SPRED2: variants seen among roughly 807,000 people sequenced by gnomAD.
The protein encoded by SPRED2 is sprouty-related, EVH1 domain-containing protein 2.
Under a neutral mutation model 43.0 loss-of-function variants are expected in SPRED2, and 47 were observed. That is an observed-to-expected ratio of 1.09 (90% CI 0.87 to 1.40). The LOEUF (loss-of-function observed/expected upper bound fraction) is 1.40, where lower values mean the gene tolerates loss of function less well. SPRED2 is among the 40% of genes most tolerant of loss of function. SPRED2 has a pLI of 0.00. For missense variants in SPRED2, 561 were observed against 586.4 expected, an observed-to-expected ratio of 0.96 and a Z score of 0.45; for synonymous variants, 225 against 225.7, an observed-to-expected ratio of 1.00 and a Z score of 0.03.
intron 1 of SPRED2, among the ~76,000 whole-genome samples, chr2:65,385,420 C>G (rs1675472230): frequency 6.6e-6 from 1 of 152,206 alleles, no homozygotes; most frequent in Non-Finnish European, 1.5e-5. Context: ...TGAACAGGAA[C>G]TTCCATTAAC....
At chr2:65,396,034 T>A (rs1342917443) in intron 1 of SPRED2, among the ~76,000 whole-genome samples, 2 of 152,224 alleles carry the variant, frequency 1.3e-5, no homozygotes, top group Non-Finnish European at 2.9e-5. Flanking sequence ...ATCTCCACTC[T>A]AACCACTTAT....
At chr2:65,371,189 T>TA (rs1365698257) in intron 1 of SPRED2, among the ~76,000 whole-genome samples, 1 of 131,146 alleles carries the variant, frequency 7.6e-6, no homozygotes, top group Non-Finnish European at 1.7e-5. Context: ...TCATACTGAA[T>TA]ATTTTTTTTG....
chr2:65,361,626 T>C (rs555642228), intron 1 of SPRED2, among the ~76,000 whole-genome samples: 1 of 152,324 alleles, frequency 6.6e-6, no homozygotes, highest in Admixed American at 6.5e-5. Flanking sequence ...ACACACATAA[T>C]CACAAGAATT....
chr2:65,329,017 C>T (rs970328219), intron 4 of SPRED2, among the ~76,000 whole-genome samples: 1 of 152,170 alleles, frequency 6.6e-6, no homozygotes, highest in Non-Finnish European at 1.5e-5. Context: ...CCCAAAAGCC[C>T]ATCTAGGACA....
chr2:65,350,294 A>G (rs544620233), intron 1 of SPRED2, among the ~76,000 whole-genome samples: 1 of 152,354 alleles, frequency 6.6e-6, no homozygotes, highest in East Asian at 1.9e-4. Context: ...TATGCCTTAG[A>G]AAAAAATGTC....
intron 1 of SPRED2, among the ~76,000 whole-genome samples, chr2:65,349,974 T>G (rs1348667827): frequency 6.6e-6 from 1 of 152,258 alleles, no homozygotes; most frequent in African/African-American, 2.4e-5. Context: ...GATAAAGTGC[T>G]GGACTAAAAG....
intron 1 of SPRED2, among the ~76,000 whole-genome samples, chr2:65,395,332 T>C (rs766076047): frequency 1.3e-4 from 20 of 152,176 alleles, no homozygotes; most frequent in Non-Finnish European, 2.9e-4. Flanking sequence ...CCTTCAAGTC[T>C]GTGTGTGGGG....
At chr2:65,366,008 A>T (rs1572873209) in intron 1 of SPRED2, among the ~76,000 whole-genome samples, 2 of 151,050 alleles carry the variant, frequency 1.3e-5, no homozygotes, top group South Asian at 2.2e-4. Context: ...TGAATTCAGT[A>T]TGAGCAAATT....
intron 1 of SPRED2, among the ~76,000 whole-genome samples, chr2:65,373,136 T>C (rs1428702278): frequency 6.6e-6 from 1 of 152,200 alleles, no homozygotes; most frequent in Non-Finnish European, 1.5e-5. Context: ...ATCTTGCAAA[T>C]TTATTCTATT....
chr2:65,310,006 T>A (rs911326136), downstream of SPRED2, among the ~76,000 whole-genome samples: 6 of 152,154 alleles, frequency 3.9e-5, no homozygotes, highest in Non-Finnish European at 1.5e-5. Context: ...CTTTCTAAGC[T>A]TCAGTTGCTC....
intron 1 of SPRED2, among the ~76,000 whole-genome samples, chr2:65,360,643 AAGG>A (rs1172954461): frequency 1.3e-5 from 2 of 152,204 alleles, no homozygotes; most frequent in Admixed American, 6.5e-5. Context: ...TAGAAACAAA[AAGG>A]AGAACAGTGG....
intron 1 of SPRED2, among the ~76,000 whole-genome samples, chr2:65,431,038 C>A (rs1239024090): frequency 6.6e-6 from 1 of 152,062 alleles, no homozygotes; most frequent in Non-Finnish European, 1.5e-5. Flanking sequence ...AAATGCCAAA[C>A]TGGACCCCTG....
At chr2:65,363,438 A>T (rs1674883684) in intron 1 of SPRED2, among the ~76,000 whole-genome samples, 1 of 152,212 alleles carries the variant, frequency 6.6e-6, no homozygotes, top group Admixed American at 6.5e-5. Context: ...TTGTACATTT[A>T]GGAGTTTATG....
chr2:65,336,321 C>T (rs185217276), intron 2 of SPRED2, among the ~76,000 whole-genome samples: 3 of 152,272 alleles, frequency 2.0e-5, no homozygotes, highest in Admixed American at 6.5e-5. Context: ...TGCACCACTA[C>T]ACTCCAGCCC....
At chr2:65,420,209 CAAAAAAAAAA>C (rs61448407) in intron 1 of SPRED2, among the ~76,000 whole-genome samples, 3 of 79,816 alleles carry the variant, frequency 3.8e-5, no homozygotes, top group African/African-American at 1.7e-4. Flanking sequence ...GACTCTGTCT[CAAAAAAAAAA>C]AAAAAAAAAA....
intron 1 of SPRED2, among the ~76,000 whole-genome samples, chr2:65,407,497 G>T (rs1355066317): frequency 6.6e-6 from 1 of 152,042 alleles, no homozygotes; most frequent in Non-Finnish European, 1.5e-5. Context: ...AATCAAGAAG[G>T]TAGGTGCATG....
At chr2:65,427,955 A>G (rs1676593237) in intron 1 of SPRED2, among the ~76,000 whole-genome samples, 1 of 152,182 alleles carries the variant, frequency 6.6e-6, no homozygotes, top group South Asian at 2.1e-4. Context: ...ACTTCTCCCT[A>G]TTATAATAGG....
intron 4 of SPRED2, among the ~76,000 whole-genome samples, chr2:65,326,442 C>A (rs1412132916): frequency 2.0e-5 from 3 of 152,164 alleles, no homozygotes; most frequent in African/African-American, 4.8e-5. Flanking sequence ...GTCCTGAGGG[C>A]CTACGTTGGT....
chr2:65,428,453 C>T (rs955964013), intron 1 of SPRED2, among the ~76,000 whole-genome samples: 2 of 152,202 alleles, frequency 1.3e-5, no homozygotes, highest in African/African-American at 4.8e-5. Flanking sequence ...ACAATTCAGG[C>T]AGAGTGTTAA....
Sources: gnomAD v4.1 joint callset for allele counts (sites outside exome capture counted in the v4.1 genomes callset) on GRCh38, gnomAD v4.1.1 for gene constraint, MANE v1.5 for transcripts, NCBI Gene and HGNC (gene_info 2026-07-23, HGNC 2026-07-21) for gene names.